CCDC178: variants seen among roughly 807,000 people sequenced by gnomAD.
CCDC178 encodes coiled-coil domain containing 178.
Under a neutral mutation model 117.4 loss-of-function variants are expected in CCDC178, and 126 were observed. The ratio of observed to expected loss-of-function variants is 1.07; its 90% CI spans 0.93 to 1.24. The LOEUF (loss-of-function observed/expected upper bound fraction) is 1.24. CCDC178 is among the 50% of genes most tolerant of loss of function. The pLI is 0.00. For missense variants in CCDC178, 1,030 were observed against 986.9 expected, an observed-to-expected ratio of 1.04 and a Z score of -0.59; for synonymous variants, 283 against 313.4, an observed-to-expected ratio of 0.90 and a Z score of 1.02.
chr18:33,229,124 C>T (rs931188598), intron 15 of CCDC178, among the ~76,000 whole-genome samples: 3 of 152,086 alleles, frequency 2.0e-5, no homozygotes, highest in Non-Finnish European at 4.4e-5. Flanking sequence ...CTCCTGTGGA[C>T]AGGAGAGGAA....
chr18:33,411,870 C>G (rs2063859644), intron 3 of CCDC178, among the ~76,000 whole-genome samples, 161 bp downstream of exon 3: 1 of 152,118 alleles, frequency 6.6e-6, no homozygotes. Context: ...CTGACTCACT[C>G]TTTTCTCTTA....
chr18:33,218,854 G>A (rs2059198650), intron 18 of CCDC178, among the ~76,000 whole-genome samples: 1 of 152,084 alleles, frequency 6.6e-6, no homozygotes, highest in African/African-American at 2.4e-5. Flanking sequence ...GGTTACTGTG[G>A]CCTTGTAGTA....
chr18:33,148,316 C>G (rs914119582), intron 20 of CCDC178, among the ~76,000 whole-genome samples: 4 of 152,068 alleles, frequency 2.6e-5, no homozygotes, highest in African/African-American at 4.8e-5. Flanking sequence ...CCCAGGCACT[C>G]GGCAGCCTGA....
At chr18:33,408,758 G>A (rs1198384065) in intron 3 of CCDC178, among the ~76,000 whole-genome samples, 1 of 152,078 alleles carries the variant, frequency 6.6e-6, no homozygotes, top group Non-Finnish European at 1.5e-5. Flanking sequence ...TTATGGAAAA[G>A]ACACATTGGA....
At chr18:32,976,548 T>C (rs1361813378) in intron 21 of CCDC178, among the ~76,000 whole-genome samples, 3 of 152,088 alleles carry the variant, frequency 2.0e-5, no homozygotes, top group East Asian at 3.9e-4. Flanking sequence ...TTACTTCAAT[T>C]TGAAACAGTG....
At chr18:33,015,146 C>T (rs1167148070) in intron 21 of CCDC178, among the ~76,000 whole-genome samples, 1 of 151,382 alleles carries the variant, frequency 6.6e-6, no homozygotes, top group Non-Finnish European at 1.5e-5. Context: ...ATCCCAGCTA[C>T]TTGGGAGGCT....
intron 21 of CCDC178, among the ~76,000 whole-genome samples, chr18:32,994,497 T>C (rs1158095020): frequency 6.6e-6 from 1 of 152,224 alleles, no homozygotes; most frequent in African/African-American, 2.4e-5. Context: ...TTATTAAGTC[T>C]AAATTCCACT....
At chr18:33,066,800 T>C (rs1488783383) in intron 21 of CCDC178, among the ~76,000 whole-genome samples, 1 of 152,156 alleles carries the variant, frequency 6.6e-6, no homozygotes, top group Non-Finnish European at 1.5e-5. Context: ...ATCAAGAGGA[T>C]ATCACAATTC....
At chr18:33,383,963 T>C (rs192380305) in intron 5 of CCDC178, among the ~76,000 whole-genome samples, 10 of 152,202 alleles carry the variant, frequency 6.6e-5, no homozygotes, top group South Asian at 2.1e-4. Context: ...CTAAGAACCA[T>C]GATAAAAGAT....
At chr18:33,089,071 T>A (rs1376727169) in intron 21 of CCDC178, among the ~76,000 whole-genome samples, 1 of 152,060 alleles carries the variant, frequency 6.6e-6, no homozygotes, top group Non-Finnish European at 1.5e-5. Flanking sequence ...CTCCTCCAAA[T>A]AAACAGGTGG....
intron 12 of CCDC178, among the ~76,000 whole-genome samples, chr18:33,268,130 T>A (rs1304008904): frequency 6.6e-6 from 1 of 151,796 alleles, no homozygotes; most frequent in Non-Finnish European, 1.5e-5. Flanking sequence ...GGAGTAGTCT[T>A]TTTTGAACTG....
intron 4 of CCDC178, among the ~76,000 whole-genome samples, chr18:33,394,838 T>C (rs948325035): frequency 1.3e-4 from 20 of 149,566 alleles, no homozygotes; most frequent in African/African-American, 4.6e-4. Context: ...TATAATTCAA[T>C]ACAAAATAAT....
At chr18:33,145,811 T>G (rs1324596890) in intron 20 of CCDC178, among the ~76,000 whole-genome samples, 1 of 152,186 alleles carries the variant, frequency 6.6e-6, no homozygotes, top group African/African-American at 2.4e-5. Flanking sequence ...ACCAGTGCCC[T>G]TTGTTACTTT....
chr18:33,063,621 G>A (rs1249821730), intron 21 of CCDC178, among the ~76,000 whole-genome samples: 4 of 152,052 alleles, frequency 2.6e-5, no homozygotes, highest in South Asian at 2.1e-4. Context: ...CACTACACAC[G>A]CTGTACACAG....
chr18:33,030,782 AAGAT>A (rs768426167), intron 21 of CCDC178, among the ~76,000 whole-genome samples: 12 of 152,184 alleles, frequency 7.9e-5, no homozygotes, highest in East Asian at 1.9e-4. Flanking sequence ...GATAGATAAG[AAGAT>A]AGATAGATAG....
At chr18:33,095,790 T>C (rs2057533457) in intron 20 of CCDC178, among the ~76,000 whole-genome samples, 2 of 151,858 alleles carry the variant, frequency 1.3e-5, no homozygotes, top group Admixed American at 1.3e-4. Context: ...ATATACACAC[T>C]TTTAAGTGTA....
At chr18:33,062,981 C>T (rs1405193064) in intron 21 of CCDC178, among the ~76,000 whole-genome samples, 1 of 152,132 alleles carries the variant, frequency 6.6e-6, no homozygotes, top group African/African-American at 2.4e-5. Flanking sequence ...GAGCTGGAGC[C>T]CGCATTCAGC....
intron 12 of CCDC178, among the ~76,000 whole-genome samples, chr18:33,289,088 TTTTG>T (rs2060135695): frequency 6.6e-6 from 1 of 152,294 alleles, no homozygotes; most frequent in African/African-American, 2.4e-5. Flanking sequence ...GGGTTGGTTT[TTTTG>T]TTTGTTTGTT....
chr18:33,068,071 A>G (rs987683107), intron 21 of CCDC178, among the ~76,000 whole-genome samples: 6 of 152,110 alleles, frequency 3.9e-5, no homozygotes, highest in Non-Finnish European at 8.8e-5. Context: ...AAATCTAGAG[A>G]AAATGAATGA....
Sources: allele counts gnomAD v4.1 joint callset (sites outside exome capture counted in the v4.1 genomes callset), GRCh38; gene constraint gnomAD v4.1.1; transcripts MANE v1.5; gene names NCBI Gene and HGNC (gene_info 2026-07-23, HGNC 2026-07-21).